The following UGGT2 variants were observed in gnomAD, a reference collection of about 807,000 sequenced individuals.
The protein encoded by UGGT2 is UDP-glucose:glycoprotein glucosyltransferase 2.
Under a neutral mutation model 192.1 loss-of-function variants are expected in UGGT2, and 180 were observed. That is an observed-to-expected ratio of 0.94 (90% CI 0.83 to 1.06). The LOEUF is 1.06. Among genes scored for constraint, UGGT2 ranks in the 50% least tolerant of loss-of-function variants. UGGT2 has a pLI of 0.00. For synonymous variants in UGGT2, 580 were observed against 591.0 expected (o/e 0.98, Z 0.27); for missense variants, 1,849 against 1,795.7 (o/e 1.03, Z -0.54).
chr13:96,045,549 G>A (rs959776965), intron 1 of UGGT2, among the ~76,000 whole-genome samples: 5 of 152,156 alleles, frequency 3.3e-5, no homozygotes, highest in African/African-American at 1.2e-4. Context: ...TCAAACTGTC[G>A]CTGTTAACTG....
At chr13:95,947,486 C>G (rs1463294517) in intron 14 of UGGT2, among the ~76,000 whole-genome samples, 1 of 148,674 alleles carries the variant, frequency 6.7e-6, no homozygotes, top group African/African-American at 2.5e-5. Context: ...GAGTCTCGCT[C>G]TGTCACCCAG....
chr13:95,908,008 T>C (rs1187929528), intron 20 of UGGT2, among the ~76,000 whole-genome samples: 4 of 152,084 alleles, frequency 2.6e-5, no homozygotes, highest in Admixed American at 6.5e-5. Context: ...AGAAAAAAGA[T>C]AAGACAAATG....
chr13:95,850,347 A>G lies in UGGT2; in HGVS notation c.4284+3196T>C, dbSNP rs183127129. The stretch of plus-strand genomic sequence containing the variant: ...AAGAAATAGAAAAATAGGAGGATTA[A>G]GGGCAAGAAATTCTGGGGTAGAGGC... On this transcript the variant is annotated intron_variant, in intron 36 of 38. Transcript: ENST00000376747. 2.6e-5 allele frequency among the ~76,000 whole-genome samples: 4 copies of G among 152,346 alleles called. No individual in the cohort carries two copies. In the East Asian group the frequency reaches 7.7e-4, roughly 29 times the overall value.
chr13:95,853,059 T>C (rs973013713), intron 36 of UGGT2, among the ~76,000 whole-genome samples: 2 of 152,186 alleles, frequency 1.3e-5, no homozygotes, highest in Non-Finnish European at 2.9e-5. Flanking sequence ...GAGTGGGTTC[T>C]CATGAGATCT....
Position 95,863,638 on chromosome 13 carries a change from G to T in UGGT2, c.3635C>A (p.Ser1212Tyr). Residue 1212 changes from serine (S) to tyrosine (Y), a missense_variant, in exon 31 of 39, where the codon TCC (serine) becomes TAC (tyrosine). By Grantham distance (144) the Ser-to-Tyr change is moderately radical (BLOSUM62 -2). Coordinates refer to ENST00000376747, the MANE Select transcript of UGGT2 (RefSeq NM_020121.4). ...EDEKTKGLWD[S>Y]IKSFTVSLHK... ...ATTCATTAGTAATTACCTTTTAATGGAATCCCACAGTCCTTTTGTTTTTTC... is the reference window on the plus strand; with the variant it reads ...ATTCATTAGTAATTACCTTTTAATGTAATCCCACAGTCCTTTTGTTTTTTC... 6.2e-7 allele frequency: 1 copy of T among 1,608,300 alleles called. No individual in the cohort carries two copies. Among genetic ancestry groups the T allele is most frequent in the Non-Finnish European group, 8.5e-7 (1 of 1,175,356 alleles).
chr13:95,816,527 A>G (rs78768204), intron 38 of UGGT2, among the ~76,000 whole-genome samples: 4,064 of 152,350 alleles, frequency 0.027, 75 homozygotes, highest in Middle Eastern at 0.071. Flanking sequence ...AGCATAGAAT[A>G]GTATATCTAT....
rs535654714 is a variant in UGGT2 at position 95,845,877 on chromosome 13, CAG to C, written c.4284+7664_4284+7665del. 9.3e-4 allele frequency among the ~76,000 whole-genome samples: 141 copies of C among 152,078 alleles called. 1 individual carries two copies. Among genetic ancestry groups the C allele is most frequent in the African/African-American group, 3.2e-3 (134 of 41,496 alleles). On this transcript the variant is annotated intron_variant, in intron 36 of 38. Transcript: ENST00000376747. ...ACATCCCAGATGATGGGCGGCCGGG[CAG>C]AGACGCTCCTCACTTCCTAGACGGG... is the stretch of plus-strand genomic sequence containing the variant.
At chr13:95,801,934 T>C (rs1263737582) in intron 38 of UGGT2, 122 bp from the exon 39 acceptor site, 5 of 1,063,018 alleles carry the variant, frequency 4.7e-6, no homozygotes, top group Non-Finnish European at 7.0e-6. Context: ...GCTAGTTCAG[T>C]ACCTATATGC....
chr13:95,940,071 C>T lies in UGGT2; in HGVS notation c.1698G>A (p.Lys566=), dbSNP rs768547270. 1.3e-6 allele frequency: 2 copies of T among 1,523,474 alleles called. No individual in the cohort carries two copies. The highest frequency in any genetic ancestry group is 2.8e-5 in the African/African-American group (2 of 70,576). 94.4% of individuals were successfully genotyped at this position (1,523,474 alleles called of 1,614,324 possible). ...SIVHMYQKVK[K]DQNILTVDNV... ...TGTCCACAGTGAGTATATTTTGATC[C>T]TTCTTCACTTTTTGGTACATCTGTG... The change falls in exon 16 of 39, where the codon AAG becomes AAA. Residue 566 remains lysine, a synonymous_variant. Transcript: ENST00000376747.
chr13:95,998,770 T>C (rs2051704842), intron 6 of UGGT2, among the ~76,000 whole-genome samples: 1 of 151,988 alleles, frequency 6.6e-6, no homozygotes, highest in African/African-American at 2.4e-5. Flanking sequence ...GACTCTCTCA[T>C]CCTGCTTCAG....
In UGGT2 at chr13:95,880,896, C is replaced by T. The variant is rs768998219; in HGVS notation, c.3229-3040G>A. 3.9e-5 allele frequency among the ~76,000 whole-genome samples: 6 copies of T among 152,112 alleles called. No individual in the cohort carries two copies. The East Asian group carries it at 5.8e-4, about 15-fold the overall frequency. ...TGTATATAAAAAAACAAAACATGGC[C>T]GAGTGCAGTGGCTCACGCCTGTAAT... On this transcript the variant is annotated intron_variant, in intron 27 of 38. Transcript: ENST00000376747.
intron 1 of UGGT2, among the ~76,000 whole-genome samples, chr13:96,039,552 G>A (rs1594626366): frequency 6.6e-6 from 1 of 152,168 alleles, no homozygotes; most frequent in Non-Finnish European, 1.5e-5. Context: ...CCAACACTGA[G>A]TTTCCTAGTT....
chr13:96,030,800 C>G (rs981050995), intron 2 of UGGT2, among the ~76,000 whole-genome samples: 2 of 152,052 alleles, frequency 1.3e-5, no homozygotes, highest in Admixed American at 1.3e-4. Flanking sequence ...CTTTTTAATT[C>G]TGAGGAAGAT....
intron 5 of UGGT2, among the ~76,000 whole-genome samples, chr13:96,005,417 G>A (rs72636595): frequency 6.6e-6 from 1 of 152,300 alleles, no homozygotes; most frequent in Non-Finnish European, 1.5e-5. Flanking sequence ...GACTGGGGAA[G>A]GTCCTGAGAA....
chr13:96,035,928 G>A (rs2052987858), intron 1 of UGGT2, among the ~76,000 whole-genome samples: 1 of 152,082 alleles, frequency 6.6e-6, no homozygotes, highest in Non-Finnish European at 1.5e-5. Context: ...GCAAGGTTGT[G>A]GAGAAAAAAA....
rs1469730183 is a variant in UGGT2 at position 95,983,680 on chromosome 13, G to A, written c.1092+124C>T. ...CACAGTATAAAAATAGAAGAACCCAGACTGTTTTAATAATCAAAAAAGCAC... is the reference window on the plus strand; with the variant it reads ...CACAGTATAAAAATAGAAGAACCCAAACTGTTTTAATAATCAAAAAAGCAC... On this transcript the variant is annotated intron_variant, in intron 10 of 38. Coordinates refer to ENST00000376747, the MANE Select transcript of UGGT2 (RefSeq NM_020121.4). 102 of 757,632 alleles carry A rather than the reference G, an allele frequency of 1.3e-4. 1 individual carries two copies. The highest frequency in any genetic ancestry group is 1.8e-5 in the African/African-American group (1 of 56,030). 46.9% of individuals were successfully genotyped at this position (757,632 alleles called of 1,614,324 possible). A position where few individuals can be genotyped will look rare whatever the true frequency, so the allele number is the denominator to read the frequency against.
chr13:95,920,457 C>G (rs1428313601), intron 20 of UGGT2, among the ~76,000 whole-genome samples: 1 of 152,082 alleles, frequency 6.6e-6, no homozygotes, highest in African/African-American at 2.4e-5. Context: ...ATCCATCTGA[C>G]CAAGGTCTAA....
chr13:95,927,570 C>T (rs1038675926), intron 17 of UGGT2, among the ~76,000 whole-genome samples: 1 of 151,078 alleles, frequency 6.6e-6, no homozygotes, highest in African/African-American at 2.4e-5. Flanking sequence ...ATGGTAGTAA[C>T]CATTTCTTGA....
Position 95,837,173 on chromosome 13 carries a change from G to A in UGGT2, c.4314C>T (p.Val1438=), listed in dbSNP as rs200969841. The part of the protein sequence containing the change: ...QDLPNNMIYQ[V]AIKSLPQDWL... ...AGTCTTGAGGAAGAGACTTAATGGC[G>A]ACTTGGTAAATCATATTATTGGGGA... is the stretch of plus-strand genomic sequence containing the variant. The change falls in exon 37 of 39, where the codon GTC becomes GTT. Residue 1438 remains valine, a synonymous_variant. Transcript: ENST00000376747. 1,194 of 1,613,786 alleles carry A rather than the reference G, an allele frequency of 7.4e-4. 2 individuals are homozygous for A. The highest frequency in any genetic ancestry group is 5.4e-4 in the Non-Finnish European group (638 of 1,179,772).
Sources: gnomAD v4.1 joint callset for allele counts (sites outside exome capture counted in the v4.1 genomes callset) on GRCh38, gnomAD v4.1.1 for gene constraint, MANE v1.5 for transcripts, NCBI Gene and HGNC (gene_info 2026-07-23, HGNC 2026-07-21) for gene names.